ASTN2: variants seen among roughly 807,000 people sequenced by gnomAD.
ASTN2 encodes astrotactin-2.
In ASTN2, 54 loss-of-function variants were observed where a neutral mutation model predicts 139.8. The observed-to-expected ratio is 0.39, with a 90% CI of 0.31 to 0.48. ASTN2 has a LOEUF of 0.48. Among genes scored for constraint, ASTN2 ranks in the 20% least tolerant of loss-of-function variants. The probability of loss-of-function intolerance (pLI) is 0.95; values close to 1 mark genes in which losing one functional copy is unlikely to be tolerated. For synonymous variants in ASTN2, 756 were observed against 719.5 expected (o/e 1.05, Z -0.81); for missense variants, 1,565 against 1,725.1 (o/e 0.91, Z 1.64).
intron 3 of ASTN2, among the ~76,000 whole-genome samples, chr9:117,155,080 G>T (rs895509076): frequency 1.3e-5 from 2 of 151,936 alleles, no homozygotes; most frequent in African/African-American, 2.4e-5. Context: ...ACTGTGGAGT[G>T]CTGGACTGTC....
At chr9:117,297,721 T>C (rs565087941) in intron 1 of ASTN2, among the ~76,000 whole-genome samples, 1 of 152,192 alleles carries the variant, frequency 6.6e-6, no homozygotes, top group East Asian at 1.9e-4. Flanking sequence ...AAAAATGCCA[T>C]AGCTGTAGGA....
intron 1 of ASTN2, among the ~76,000 whole-genome samples, chr9:117,303,224 G>C (rs1405939695): frequency 6.6e-6 from 1 of 151,986 alleles, no homozygotes; most frequent in Non-Finnish European, 1.5e-5. Context: ...TGTCCTTTTT[G>C]GTAGCTCAGC....
intron 2 of ASTN2, among the ~76,000 whole-genome samples, chr9:117,233,928 C>T (rs1832970462): frequency 6.6e-6 from 1 of 152,130 alleles, no homozygotes; most frequent in Non-Finnish European, 1.5e-5. Flanking sequence ...AAATAAAATG[C>T]ACATTTGATA....
intron 10 of ASTN2, among the ~76,000 whole-genome samples, chr9:116,887,189 T>TTCTCA: frequency 2.6e-5 from 4 of 152,118 alleles, no homozygotes; most frequent in South Asian, 4.2e-4. Flanking sequence ...TAAACTTACA[T>TTCTCA]GGCAAATTCA....
At chr9:117,294,248 A>T (rs1158005957) in intron 1 of ASTN2, among the ~76,000 whole-genome samples, 2 of 152,252 alleles carry the variant, frequency 1.3e-5, no homozygotes, top group Admixed American at 6.5e-5. Context: ...TAGCCCATGA[A>T]CCAAAACTAG....
chr9:116,844,832 G>A (rs1056239262), intron 11 of ASTN2, among the ~76,000 whole-genome samples: 1 of 152,180 alleles, frequency 6.6e-6, no homozygotes, highest in African/African-American at 2.4e-5. Flanking sequence ...AGCCATCTGT[G>A]CAGCCTTCAA....
intron 7 of ASTN2, among the ~76,000 whole-genome samples, chr9:116,991,612 T>C (rs1184089767): frequency 6.8e-6 from 1 of 147,188 alleles, no homozygotes; most frequent in Non-Finnish European, 1.5e-5. Context: ...AGCAGAAAAT[T>C]GAGGCTTGGA....
intron 7 of ASTN2, among the ~76,000 whole-genome samples, chr9:116,979,469 GA>G (rs1305387725): frequency 3.9e-5 from 6 of 152,096 alleles, no homozygotes; most frequent in Non-Finnish European, 8.8e-5. Context: ...GGAATGGAAG[GA>G]AAAGGCTAAG....
intron 5 of ASTN2, among the ~76,000 whole-genome samples, chr9:117,049,955 T>A (rs1226855025): frequency 1.3e-5 from 2 of 152,026 alleles, no homozygotes; most frequent in Non-Finnish European, 2.9e-5. Context: ...CTAGAATGGC[T>A]CAGAAATAAA....
chr9:116,807,826 G>A lies in ASTN2; in HGVS notation c.2208-2006C>T, dbSNP rs190952824. The stretch of plus-strand genomic sequence containing the variant: ...TTGAAGATGAGTAAACATTATCAAA[G>A]TCTGGCAGGGCGCAGTGGCTCACGC... On this transcript the variant is annotated intron_variant, in intron 12 of 22. Transcript: ENST00000313400. Among the ~76,000 whole-genome samples the A allele has an allele frequency of 1.1e-3, 171 of 152,068 alleles. 1 individual carries two copies. Among genetic ancestry groups the A allele is most frequent in the Admixed American group, 2.6e-3 (39 of 15,272 alleles).
intron 3 of ASTN2, among the ~76,000 whole-genome samples, chr9:117,172,441 A>G (rs1830816648): frequency 6.6e-6 from 1 of 152,194 alleles, no homozygotes; most frequent in South Asian, 2.1e-4. Flanking sequence ...AACCAAGAAT[A>G]CATTTAAGTC....
chr9:116,707,479 A>C (rs2132090313), intron 16 of ASTN2, among the ~76,000 whole-genome samples: 1 of 152,080 alleles, frequency 6.6e-6, no homozygotes, highest in South Asian at 2.1e-4. Context: ...AGAATCTTAC[A>C]CATATGAGCA....
intron 19 of ASTN2, among the ~76,000 whole-genome samples, chr9:116,610,300 T>A (rs1293488326): frequency 1.3e-5 from 2 of 152,090 alleles, no homozygotes; most frequent in Non-Finnish European, 2.9e-5. Flanking sequence ...TACAAAGCAA[T>A]GATAGTATAA....
chr9:116,730,231 G>A (rs1828741222), intron 14 of ASTN2, among the ~76,000 whole-genome samples: 1 of 152,098 alleles, frequency 6.6e-6, no homozygotes, highest in African/African-American at 2.4e-5. Flanking sequence ...TTGTCCCCTG[G>A]TGAGTAGGCA....
At chr9:116,667,698 TTTGA>T (rs780637698) in intron 16 of ASTN2, among the ~76,000 whole-genome samples, 9 of 152,196 alleles carry the variant, frequency 5.9e-5, no homozygotes, top group African/African-American at 1.4e-4. Context: ...TATGTACTGT[TTTGA>T]TTCTTTCTTG....
chr9:117,016,293 A>G (rs1837673091), intron 6 of ASTN2, among the ~76,000 whole-genome samples: 1 of 151,916 alleles, frequency 6.6e-6, no homozygotes, highest in Admixed American at 6.6e-5. Flanking sequence ...GTCATGAGGG[A>G]GGTGGGAGTG....
chr9:116,867,537 G>A (rs1170971209), intron 10 of ASTN2, among the ~76,000 whole-genome samples: 4 of 114,762 alleles, frequency 3.5e-5, no homozygotes, highest in Non-Finnish European at 5.0e-5. Flanking sequence ...GCGACAGAGC[G>A]AGACTCTGTC....
intron 10 of ASTN2, among the ~76,000 whole-genome samples, chr9:116,953,483 A>C (rs1835621629): frequency 6.6e-6 from 1 of 152,210 alleles, no homozygotes; most frequent in Non-Finnish European, 1.5e-5. Context: ...AGAGGAACCC[A>C]GAATGAGACA....
intron 4 of ASTN2, among the ~76,000 whole-genome samples, chr9:117,106,779 T>G (rs762899707): frequency 3.3e-5 from 5 of 152,156 alleles, no homozygotes; most frequent in Non-Finnish European, 7.4e-5. Context: ...AATATCTATC[T>G]ATCTATCTAT....
Sources: gnomAD v4.1 joint callset for allele counts (sites outside exome capture counted in the v4.1 genomes callset) on GRCh38, gnomAD v4.1.1 for gene constraint, MANE v1.5 for transcripts, NCBI Gene and HGNC (gene_info 2026-07-23, HGNC 2026-07-21) for gene names.